The following KHDC4 variants were observed in gnomAD, a reference collection of about 807,000 sequenced individuals.
The protein encoded by KHDC4 is KH domain containing 4, pre-mRNA splicing factor, also known as KH homology domain-containing protein 4.
KHDC4 carries 19 observed loss-of-function variants against 74.5 expected under a neutral mutation model. That is an observed-to-expected ratio of 0.26 (90% confidence interval 0.18 to 0.37). The LOEUF is 0.37. Ranked by LOEUF, KHDC4 falls within the 10% of genes least tolerant of loss-of-function variation. The pLI is 1.00. For missense variants in KHDC4, 632 were observed against 754.1 expected, an observed-to-expected ratio of 0.84 and a Z score of 1.90; for synonymous variants, 253 against 266.1, an observed-to-expected ratio of 0.95 and a Z score of 0.48.
In KHDC4 at chr1:155,916,699, G is replaced by GA; in HGVS notation, c.1478dup (p.Ser494LeufsTer5). Reference sequence around the variant, plus strand: ...CACCTTCAATCTCATTCTGACTGGAGAAGCCTGTACCTAAATTAGTCATAT... The same window carrying GA: ...CACCTTCAATCTCATTCTGACTGGAGAAAGCCTGTACCTAAATTAGTCATAT... On this transcript the variant is annotated frameshift_variant, in exon 12 of 14. Coordinates refer to ENST00000368321, the MANE Select transcript of KHDC4 (RefSeq NM_014949.4). LOFTEE classifies it high-confidence loss of function. 1.2e-6 allele frequency: 2 copies of GA among 1,613,974 alleles called. No individual in the cohort carries two copies. The highest frequency in any genetic ancestry group is 1.7e-6 in the Non-Finnish European group (2 of 1,180,010).
intron 4 of KHDC4, among the ~76,000 whole-genome samples, chr1:155,928,567 A>G (rs549540012): frequency 6.8e-5 from 10 of 147,572 alleles, no homozygotes; most frequent in Non-Finnish European, 1.2e-4. Context: ...TACCTGAATA[A>G]TCACAAACTA....
chr1:155,923,497 T>C (rs543397824), intron 8 of KHDC4, 130 bp downstream of exon 8: 1 of 682,930 alleles, frequency 1.5e-6, no homozygotes, highest in Admixed American at 2.4e-5. Context: ...ATTTGTGTTA[T>C]TTTAAGCCAC....
chr1:155,924,805 C>T (rs910375315), intron 7 of KHDC4, among the ~76,000 whole-genome samples: 1 of 151,488 alleles, frequency 6.6e-6, no homozygotes, highest in African/African-American at 2.4e-5. Flanking sequence ...AACTCCTGAC[C>T]TCAAGTGATC....
chr1:155,922,066 A>ATTTT, intron 8 of KHDC4, 148 bp from the exon 9 acceptor site: 22 of 376,286 alleles, frequency 5.8e-5, no homozygotes, highest in South Asian at 1.9e-4. Context: ...TTTAACCCAC[A>ATTTT]TTTTTTTTTT....
Position 155,914,133 on chromosome 1 carries a change from C to T in KHDC4, c.1833G>A (p.Trp611Ter). The change falls in exon 14 of 14, where the codon TGG (tryptophan) becomes TGA (stop). Residue 611 changes from tryptophan (W) to a stop codon, truncating the protein, a stop_gained. Transcript: ENST00000368321. LOFTEE classifies it high-confidence loss of function. ...GTTCCACTGTTTCCTAGGGAGCCAT[C>T]CAGAATGGCATCTGTTGTTTAGCTC... ...QPRAKQQMPFWMAP is the reference protein window; with the variant it reads ...QPRAKQQMPF 1 of 1,613,836 alleles carries T rather than the reference C, an allele frequency of 6.2e-7. No homozygotes were observed. The highest frequency in any genetic ancestry group is 8.5e-7 in the Non-Finnish European group (1 of 1,179,750).
chr1:155,916,685 T>A lies in KHDC4; in HGVS notation c.1493A>T (p.Glu498Val), dbSNP rs762779220. Residue 498 changes from glutamate (E) to valine (V), a missense_variant, in exon 12 of 14, where the codon GAG becomes GTG. Glu to Val is a moderately radical substitution (Grantham distance 121). Coordinates refer to ENST00000368321, the MANE Select transcript of KHDC4 (RefSeq NM_014949.4). ...NLGTGFSSQN[E>V]IEGAGSKPAS... The stretch of plus-strand genomic sequence containing the variant: ...TGGCTTCGATCCTGCACCTTCAATC[T>A]CATTCTGACTGGAGAAGCCTGTACC... The A allele has an allele frequency of 8.1e-6, 13 of 1,613,922 alleles. No individual in the cohort carries two copies. The highest frequency in any genetic ancestry group is 1.1e-5 in the Non-Finnish European group (13 of 1,180,016).
In KHDC4 at chr1:155,916,162, C is replaced by T. The variant is rs114390451; in HGVS notation, c.1554-198G>A. 3.8e-3 allele frequency among the ~76,000 whole-genome samples: 575 copies of T among 152,118 alleles called. 5 individuals are homozygous for T. The highest frequency in any genetic ancestry group is 0.013 in the African/African-American group (550 of 41,488). ...ACACAGCAATTGCCATGACAAAAAT[C>T]GAATGAACTGTTATAGAAAGATATC... is the stretch of plus-strand genomic sequence containing the variant. On this transcript the variant is annotated intron_variant, in intron 12 of 13. Coordinates refer to ENST00000368321, the MANE Select transcript of KHDC4 (RefSeq NM_014949.4).
At chr1:155,924,313 C>G in intron 7 of KHDC4, among the ~76,000 whole-genome samples, 1 of 150,548 alleles carries the variant, frequency 6.6e-6, no homozygotes, top group East Asian at 2.0e-4. Context: ...GGGTTCACGT[C>G]ATTCTCCTGC....
chr1:155,915,899 C>A lies in KHDC4; in HGVS notation c.1619G>T (p.Gly540Val). 6.2e-7 allele frequency: 1 copy of A among 1,602,824 alleles called. No homozygotes were observed. Among genetic ancestry groups the A allele is most frequent in the South Asian group, 1.1e-5 (1 of 89,340 alleles). ...GIKTESDERN[G>V]SGTLTGSHDY... ...ATGGCTCCCTGTTAAGGTCCCAGAC[C>A]CATTCCTTTCATCGGACTCTGTTTT... The change falls in exon 13 of 14, where the codon GGG becomes GTG. Residue 540 changes from glycine (G) to valine (V), a missense_variant. By Grantham distance (109) the Gly-to-Val change is moderately radical. This residue lies in a region of KHDC4 where 254 missense variants were observed against 267.4 expected (regional missense o/e 0.95). Coordinates refer to ENST00000368321, the MANE Select transcript of KHDC4 (RefSeq NM_014949.4).
At chr1:155,933,264 A>G (rs962989456) in intron 2 of KHDC4, among the ~76,000 whole-genome samples, 17 of 151,942 alleles carry the variant, frequency 1.1e-4, no homozygotes, top group African/African-American at 3.9e-4. Context: ...AACACAAATT[A>G]TTATGCGATT....
At chr1:155,928,310 G>A (rs1428496673) in intron 4 of KHDC4, among the ~76,000 whole-genome samples, 1 of 151,812 alleles carries the variant, frequency 6.6e-6, no homozygotes, top group Non-Finnish European at 1.5e-5. Context: ...GGAGGCAGAG[G>A]TTGCAGTGAG....
At chr1:155,922,962 T>C (rs1673898595) in intron 8 of KHDC4, among the ~76,000 whole-genome samples, 1 of 152,056 alleles carries the variant, frequency 6.6e-6, no homozygotes, top group African/African-American at 2.4e-5. Flanking sequence ...TCCCAGCACT[T>C]TGGGAGGCCG....
In KHDC4 at chr1:155,922,233, C is replaced by T. The variant is rs946128134; in HGVS notation, c.955-315G>A. On this transcript the variant is annotated intron_variant, in intron 8 of 13. Coordinates refer to ENST00000368321, the MANE Select transcript of KHDC4 (RefSeq NM_014949.4). ...TGGTCTCAGCTCACTGCAACCTCCACCTTCACGGTTTAAGCGATTCTCCTG... is the reference window on the plus strand; with the variant it reads ...TGGTCTCAGCTCACTGCAACCTCCATCTTCACGGTTTAAGCGATTCTCCTG... 6.0e-5 allele frequency among the ~76,000 whole-genome samples: 9 copies of T among 150,242 alleles called. 1 individual carries two copies. Among genetic ancestry groups the T allele is most frequent in the African/African-American group, 2.2e-4 (9 of 40,882 alleles).
intron 10 of KHDC4, among the ~76,000 whole-genome samples, chr1:155,920,628 C>T (rs769413075): frequency 3.9e-5 from 6 of 152,092 alleles, no homozygotes; most frequent in Non-Finnish European, 7.4e-5. Context: ...GCATCCATGA[C>T]CTCCTAGGCT....
chr1:155,921,836 T>G (rs778797869), intron 9 of KHDC4, 25 bp downstream of exon 9: 1 of 1,564,354 alleles, frequency 6.4e-7, no homozygotes, highest in South Asian at 1.1e-5. Context: ...CAAAATATTT[T>G]TTAAACACTT....
At chr1:155,925,958 G>T in intron 6 of KHDC4, 115 bp from the exon 7 acceptor site, 1 of 921,824 alleles carries the variant, frequency 1.1e-6, no homozygotes, top group Non-Finnish European at 1.8e-6. Context: ...AACTGGGGTA[G>T]AGTGTTGGGT....
At chr1:155,923,882 A>G (rs1673922558) in intron 7 of KHDC4, among the ~76,000 whole-genome samples, 195 bp from the exon 8 acceptor site, 1 of 152,212 alleles carries the variant, frequency 6.6e-6, no homozygotes, top group Non-Finnish European at 1.5e-5. Context: ...ATTACCACAA[A>G]TATTTTATTA....
chr1:155,930,237 A>G (rs931195038), intron 2 of KHDC4, among the ~76,000 whole-genome samples: 14 of 152,122 alleles, frequency 9.2e-5, no homozygotes, highest in African/African-American at 3.4e-4. Flanking sequence ...TAGTCATCCA[A>G]TGTACAACTA....
chr1:155,929,296 C>T lies in KHDC4; in HGVS notation c.464G>A (p.Gly155Glu), dbSNP rs1221163150. ...TTEEKAKVGPGDRPLYLHVQG... is the reference protein window; with the variant it reads ...TTEEKAKVGPEDRPLYLHVQG... ...ATAAACAAGATAAGAGAATACGCAC[C>T]CTGGTCCCACTTTGGCTTTTTCCTC... is the stretch of plus-strand genomic sequence containing the variant. Residue 155 changes from glycine (G) to glutamate (E), a missense_variant and splice_region_variant, in exon 4 of 14, where the codon GGG (glycine) becomes GAG (glutamate). Gly to Glu is a moderately conservative substitution (Grantham distance 98). This residue lies in a region of KHDC4 where 233 missense variants were observed against 342.6 expected (regional missense o/e 0.68). Transcript: ENST00000368321. The T allele has an allele frequency of 1.2e-6, 2 of 1,610,296 alleles. No homozygotes were observed. The highest frequency in any genetic ancestry group is 1.3e-5 in the African/African-American group (1 of 74,930).
Sources: allele counts gnomAD v4.1 joint callset (sites outside exome capture counted in the v4.1 genomes callset), GRCh38; gene constraint gnomAD v4.1.1; regional missense constraint gnomAD v4.1.1; transcripts MANE v1.5; gene names NCBI Gene and HGNC (gene_info 2026-07-23, HGNC 2026-07-21).